The following PPP1R16B variants were observed in gnomAD, a reference collection of about 807,000 sequenced individuals.
PPP1R16B encodes the protein protein phosphatase 1 regulatory inhibitor subunit 16B.
A neutral mutation model predicts 61.7 loss-of-function variants in PPP1R16B; 14 were observed. The ratio of observed to expected loss-of-function variants is 0.23; its 90% CI spans 0.15 to 0.35. The LOEUF is 0.35. Among genes scored for constraint, PPP1R16B ranks in the 10% least tolerant of loss-of-function variants. The pLI, the probability that PPP1R16B is intolerant of heterozygous loss-of-function variation, is 1.00. For synonymous variants in PPP1R16B, 266 were observed against 305.3 expected (o/e 0.87, Z 1.34); for missense variants, 547 against 752.5 (o/e 0.73, Z 3.19).
chr20:38,915,902 A>G (rs965560921), intron 10 of PPP1R16B, among the ~76,000 whole-genome samples: 3 of 151,918 alleles, frequency 2.0e-5, no homozygotes, highest in Admixed American at 6.6e-5. Context: ...AGAAGTGCCA[A>G]ATTGCAGGCC....
At chr20:38,895,785 C>CCCTT (rs2085330451) in intron 4 of PPP1R16B, 75 bp downstream of exon 4, 13 of 1,441,834 alleles carry the variant, frequency 9.0e-6, no homozygotes, top group African/African-American at 8.7e-5. Context: ...TTTCTCTCCT[C>CCCTT]CCTCCCTCCT....
At chr20:38,896,056 TCCC>T (rs1568679314) in intron 4 of PPP1R16B, among the ~76,000 whole-genome samples, 6 of 127,130 alleles carry the variant, frequency 4.7e-5, no homozygotes, top group African/African-American at 2.1e-4. Flanking sequence ...TCTCCCTTCC[TCCC>T]TTCCTTTCTT....
intron 3 of PPP1R16B, among the ~76,000 whole-genome samples, chr20:38,890,592 A>G (rs2085284880): frequency 6.6e-6 from 1 of 152,214 alleles, no homozygotes; most frequent in South Asian, 2.1e-4. Context: ...CATTTTAGCC[A>G]TTGATGTCAT....
At chr20:38,876,274 T>C (rs767976051) in intron 2 of PPP1R16B, among the ~76,000 whole-genome samples, 4 of 152,096 alleles carry the variant, frequency 2.6e-5, no homozygotes, top group Non-Finnish European at 5.9e-5. Flanking sequence ...CTCTCAGCCA[T>C]TGAACATATT....
chr20:38,881,218 C>T (rs1261197373), intron 2 of PPP1R16B, among the ~76,000 whole-genome samples: 2 of 152,220 alleles, frequency 1.3e-5, no homozygotes, highest in Non-Finnish European at 2.9e-5. Flanking sequence ...ACCCTCAGCT[C>T]CAGGCAGCCG....
intron 2 of PPP1R16B, among the ~76,000 whole-genome samples, chr20:38,856,413 G>A (rs1248197081): frequency 6.6e-6 from 1 of 152,224 alleles, no homozygotes; most frequent in Non-Finnish European, 1.5e-5. Context: ...GTACCAGTTA[G>A]CTGGAATCTG....
chr20:38,813,269 G>A (rs2084712817), intron 1 of PPP1R16B, among the ~76,000 whole-genome samples: 1 of 152,240 alleles, frequency 6.6e-6, no homozygotes, highest in African/African-American at 2.4e-5. Flanking sequence ...GATGAGCTTT[G>A]AGTACTTTCA....
At position 38,879,715 on chromosome 20, in the gene PPP1R16B, A is replaced by T. The variant is rs547738877; in HGVS notation, c.251-9880A>T. ...TTTTCCTGCATACACCCAATGCCAG[A>T]TGTAAGTTACATGTGCAGAGGCATC... On this transcript the variant is annotated intron_variant, in intron 2 of 10. Coordinates refer to ENST00000299824, the MANE Select transcript of PPP1R16B (RefSeq NM_015568.4). Among the ~76,000 whole-genome samples the T allele has an allele frequency of 2.0e-5, 3 of 152,316 alleles. No individual in the cohort carries two copies. The South Asian group carries it at 6.2e-4, about 32-fold the overall frequency.
intron 1 of PPP1R16B, among the ~76,000 whole-genome samples, chr20:38,814,505 A>C (rs1454111434): frequency 1.3e-5 from 2 of 152,182 alleles, no homozygotes; most frequent in East Asian, 3.8e-4. Context: ...GTATAATATA[A>C]ATTGATATGA....
At chr20:38,870,695 G>A (rs747217986) in intron 2 of PPP1R16B, among the ~76,000 whole-genome samples, 2 of 152,190 alleles carry the variant, frequency 1.3e-5, no homozygotes, top group Non-Finnish European at 2.9e-5. Context: ...GGCCCATACT[G>A]TAGGGGCCAC....
At chr20:38,868,630 G>A (rs757266187) in intron 2 of PPP1R16B, among the ~76,000 whole-genome samples, 7 of 152,078 alleles carry the variant, frequency 4.6e-5, no homozygotes, top group Non-Finnish European at 8.8e-5. Context: ...TGATCCTCCC[G>A]CCTCAGCCTC....
chr20:38,865,290 T>C (rs1370477591), intron 2 of PPP1R16B, among the ~76,000 whole-genome samples: 1 of 13,974 alleles, frequency 7.2e-5, no homozygotes. Flanking sequence ...GCATTCTTTT[T>C]TTTTCTTTTT....
intron 2 of PPP1R16B, among the ~76,000 whole-genome samples, chr20:38,849,447 A>G (rs910180004): frequency 6.6e-6 from 1 of 151,644 alleles, no homozygotes; most frequent in Non-Finnish European, 1.5e-5. Context: ...ACCATGCTCT[A>G]CTCTGTCTAC....
chr20:38,810,079 A>G (rs1187776369), intron 1 of PPP1R16B, among the ~76,000 whole-genome samples: 1 of 151,502 alleles, frequency 6.6e-6, no homozygotes, highest in East Asian at 1.9e-4. Flanking sequence ...GTTCGTTGCT[A>G]TTATTAGTCT....
chr20:38,837,485 T>G (rs1332880517), intron 2 of PPP1R16B, among the ~76,000 whole-genome samples: 1 of 151,946 alleles, frequency 6.6e-6, no homozygotes, highest in African/African-American at 2.4e-5. Flanking sequence ...TAAATAAATA[T>G]AAACAAACAT....
In PPP1R16B at chr20:38,906,294, T is replaced by G. The variant is rs567151067; in HGVS notation, c.822+200T>G. ...ACAAAGCAAGTTGTGTTTTTTTTTT[T>G]TTTTTTTTTTTTTTTTTGAGATGGA... is the stretch of plus-strand genomic sequence containing the variant. On this transcript the variant is annotated intron_variant, in intron 7 of 10. Transcript: ENST00000299824. Among the ~76,000 whole-genome samples the G allele has an allele frequency of 6.4e-5, 8 of 125,128 alleles. No homozygotes were observed. In the South Asian group the frequency reaches 1.4e-3, roughly 23 times the overall value. The allele number at this position is 125,128 out of a possible 152,430, so 82.1% of individuals were successfully genotyped here.
chr20:38,906,305 T>G (rs1050227609), intron 7 of PPP1R16B, among the ~76,000 whole-genome samples: 11 of 144,644 alleles, frequency 7.6e-5, no homozygotes, highest in East Asian at 2.0e-4. Context: ...TTTTTTTTTT[T>G]TTTTTTGAGA....
At chr20:38,830,023 A>G (rs1401574121) in intron 1 of PPP1R16B, among the ~76,000 whole-genome samples, 1 of 152,242 alleles carries the variant, frequency 6.6e-6, no homozygotes, top group Non-Finnish European at 1.5e-5. Flanking sequence ...GAGCTGGGCA[A>G]CTGCCCTTAA....
In PPP1R16B at chr20:38,843,424, A is replaced by G. The variant is rs191916180; in HGVS notation, c.250+7249A>G. Among the ~76,000 whole-genome samples, 25 of 149,332 alleles carry G rather than the reference A, an allele frequency of 1.7e-4. No homozygotes were observed. The East Asian group carries it at 4.4e-3, about 26-fold the overall frequency. On this transcript the variant is annotated intron_variant, in intron 2 of 10. Coordinates refer to ENST00000299824, the MANE Select transcript of PPP1R16B (RefSeq NM_015568.4). Reference sequence around the variant, plus strand: ...CCTGGGGCTGGAGAATCCACTTCCAAGATGGCTCACTGGCATGGCTCTTGG... The same window carrying G: ...CCTGGGGCTGGAGAATCCACTTCCAGGATGGCTCACTGGCATGGCTCTTGG...
Sources: allele counts gnomAD v4.1 joint callset (sites outside exome capture counted in the v4.1 genomes callset), GRCh38; gene constraint gnomAD v4.1.1; transcripts MANE v1.5; gene names NCBI Gene and HGNC (gene_info 2026-07-23, HGNC 2026-07-21).